The following NAV2 variants were observed in gnomAD, a reference collection of about 807,000 sequenced individuals.
NAV2 encodes helicase, APC down-regulated 1.
Under a neutral mutation model 223.2 loss-of-function variants are expected in NAV2, and 54 were observed. The observed-to-expected ratio is 0.24, with a 90% CI of 0.19 to 0.30. NAV2 has a LOEUF of 0.30. Ranked by LOEUF, NAV2 falls within the 10% of genes least tolerant of loss-of-function variation. The probability of loss-of-function intolerance (pLI) is 1.00; values close to 1 mark genes in which losing one functional copy is unlikely to be tolerated. For missense variants in NAV2, 2,806 were observed against 3,147.5 expected, an observed-to-expected ratio of 0.89 and a Z score of 2.60; for synonymous variants, 1,279 against 1,239.3, an observed-to-expected ratio of 1.03 and a Z score of -0.67.
chr11:19,543,560 TA>T (rs1441872436), intron 1 of NAV2, among the ~76,000 whole-genome samples: 1 of 152,182 alleles, frequency 6.6e-6, no homozygotes, highest in Non-Finnish European at 1.5e-5. Flanking sequence ...GCATAGGGAT[TA>T]AAAAACGTTC....
At chr11:19,452,313 GC>G (rs1399295390) in intron 1 of NAV2, among the ~76,000 whole-genome samples, 6 of 152,118 alleles carry the variant, frequency 3.9e-5, no homozygotes, top group African/African-American at 1.4e-4. Flanking sequence ...ATCATGTTGG[GC>G]CCTGACATAT....
chr11:19,970,040 G>A (rs889370477), intron 10 of NAV2, among the ~76,000 whole-genome samples: 33 of 152,158 alleles, frequency 2.2e-4, no homozygotes, highest in Non-Finnish European at 4.3e-4. Flanking sequence ...AAAGTTATGT[G>A]AATGTGGTCT....
intron 1 of NAV2, among the ~76,000 whole-genome samples, chr11:19,574,448 T>C (rs375508892): frequency 1.5e-4 from 23 of 152,332 alleles, no homozygotes; most frequent in African/African-American, 4.8e-4. Context: ...ATTCCTGGCC[T>C]GTGTTGTCCC....
intron 1 of NAV2, among the ~76,000 whole-genome samples, chr11:19,366,515 T>A (rs556931528): frequency 6.6e-6 from 1 of 152,256 alleles, no homozygotes; most frequent in Admixed American, 6.5e-5. Context: ...CTGGATGAGT[T>A]GAAGAAAGGC....
chr11:19,739,327 C>T (rs1308358411), intron 1 of NAV2, among the ~76,000 whole-genome samples: 7 of 152,174 alleles, frequency 4.6e-5, no homozygotes, highest in Admixed American at 1.3e-4. Flanking sequence ...AGTTAATCAT[C>T]GTAGCAACCT....
At chr11:19,882,482 C>T (rs1248695108) in intron 5 of NAV2, among the ~76,000 whole-genome samples, 2 of 152,164 alleles carry the variant, frequency 1.3e-5, no homozygotes, top group Non-Finnish European at 2.9e-5. Flanking sequence ...AAGGAGCATT[C>T]TACAAACTTG....
At chr11:19,424,317 T>C (rs898323750) in intron 1 of NAV2, among the ~76,000 whole-genome samples, 1 of 152,336 alleles carries the variant, frequency 6.6e-6, no homozygotes, top group East Asian at 1.9e-4. Flanking sequence ...TATTTGCTGC[T>C]TCCTAGAGGC....
At chr11:19,774,556 T>G (rs1199385051) in intron 1 of NAV2, among the ~76,000 whole-genome samples, 6 of 152,212 alleles carry the variant, frequency 3.9e-5, no homozygotes, top group African/African-American at 9.7e-5. Context: ...CAACTGTTGG[T>G]GTATTTGTCC....
intron 6 of NAV2, among the ~76,000 whole-genome samples, chr11:19,919,809 A>G (rs1216453972): frequency 6.6e-6 from 1 of 152,150 alleles, no homozygotes; most frequent in Non-Finnish European, 1.5e-5. Flanking sequence ...AGCTTTAGTC[A>G]CCATCTCCAT....
At chr11:19,404,283 G>C (rs1173541660) in intron 1 of NAV2, among the ~76,000 whole-genome samples, 1 of 152,218 alleles carries the variant, frequency 6.6e-6, no homozygotes, top group East Asian at 1.9e-4. Context: ...GAGTTCACTG[G>C]AGTCAAGTGA....
At chr11:19,443,093 G>A (rs569041356) in intron 1 of NAV2, among the ~76,000 whole-genome samples, 1 of 152,242 alleles carries the variant, frequency 6.6e-6, no homozygotes, top group East Asian at 1.9e-4. Flanking sequence ...ATGAATCTTG[G>A]GCATCATATT....
intron 1 of NAV2, among the ~76,000 whole-genome samples, chr11:19,463,705 G>T (rs1852244409): frequency 6.6e-6 from 1 of 152,196 alleles, no homozygotes; most frequent in African/African-American, 2.4e-5. Context: ...AGTTAATTAT[G>T]TTCAGAGGCG....
intron 1 of NAV2, among the ~76,000 whole-genome samples, chr11:19,623,550 A>T (rs1396516508): frequency 6.6e-6 from 1 of 152,078 alleles, no homozygotes; most frequent in Non-Finnish European, 1.5e-5. Context: ...CTTCCAGTTG[A>T]TCGAATCCGC....
intron 1 of NAV2, among the ~76,000 whole-genome samples, chr11:19,811,117 T>C (rs2058814892): frequency 1.3e-5 from 2 of 152,210 alleles, no homozygotes; most frequent in East Asian, 1.9e-4. Context: ...TCTTCCTACA[T>C]GCTAAACGGC....
chr11:19,440,306 GTGGTGGTGGTGA>G (rs1851354450), intron 1 of NAV2, among the ~76,000 whole-genome samples: 1 of 152,184 alleles, frequency 6.6e-6, no homozygotes, highest in South Asian at 2.1e-4. Context: ...AGTGAGGGTG[GTGGTGGTGGTGA>G]TGGTCAGGAC....
At chr11:19,745,911 A>T (rs73429727) in intron 1 of NAV2, among the ~76,000 whole-genome samples, 5,484 of 152,134 alleles carry the variant, frequency 0.036, 123 homozygotes, top group East Asian at 0.055. Flanking sequence ...AGGTCTGGGG[A>T]CCCCTGACAT....
intron 1 of NAV2, among the ~76,000 whole-genome samples, chr11:19,740,908 G>A (rs1449873523): frequency 6.6e-6 from 1 of 152,182 alleles, no homozygotes; most frequent in African/African-American, 2.4e-5. Context: ...CAGGTATTAT[G>A]GTCTTAGAGC....
intron 1 of NAV2, among the ~76,000 whole-genome samples, chr11:19,779,539 G>A (rs1398759004): frequency 6.6e-6 from 1 of 152,202 alleles, no homozygotes; most frequent in African/African-American, 2.4e-5. Context: ...TGTTCGTTGT[G>A]AAAGATTTTG....
upstream of NAV2, among the ~76,000 whole-genome samples, chr11:19,349,531 G>C (rs2702622): frequency 6.6e-6 from 1 of 151,974 alleles, no homozygotes; most frequent in Non-Finnish European, 1.5e-5. Flanking sequence ...GGATCTGGCC[G>C]CAGCTCTCCC....
Sources: allele counts gnomAD v4.1 joint callset (sites outside exome capture counted in the v4.1 genomes callset), GRCh38; gene constraint gnomAD v4.1.1; transcripts MANE v1.5; gene names NCBI Gene and HGNC (gene_info 2026-07-23, HGNC 2026-07-21).